Variants in VEGFC observed in about 807,000 individuals in gnomAD.
The protein encoded by VEGFC is vascular endothelial growth factor C, also known as FLT4 ligand DHM.
A neutral mutation model predicts 46.1 loss-of-function variants in VEGFC; 12 were observed. That is an observed-to-expected ratio of 0.26 (90% CI 0.17 to 0.42). The LOEUF is 0.42. VEGFC is among the 10% of genes least tolerant of loss of function. The pLI is 1.00. For synonymous variants in VEGFC, 232 were observed against 195.5 expected (o/e 1.19, Z -1.56); for missense variants, 488 against 529.4 (o/e 0.92, Z 0.77).
rs371726501 is a variant in VEGFC, at chr4:176,730,693, T to C, written c.148-947A>G. On this transcript the variant is annotated intron_variant, in intron 1 of 6. Transcript: ENST00000618562. ...TAACTGTCCCCCACCTCTCCATGGTTTCTTGGGTGGATCAAGAACCTACAT... is the reference window on the plus strand; with the variant it reads ...TAACTGTCCCCCACCTCTCCATGGTCTCTTGGGTGGATCAAGAACCTACAT... Among the ~76,000 whole-genome samples the C allele has an allele frequency of 3.9e-5, 6 of 152,234 alleles. No homozygotes were observed. The South Asian group carries it at 6.2e-4, about 16-fold the overall frequency.
chr4:176,725,808 C>T (rs116812568), intron 3 of VEGFC, among the ~76,000 whole-genome samples: 5,190 of 152,044 alleles, frequency 0.034, 274 homozygotes, highest in African/African-American at 0.12. Flanking sequence ...TACCAAAATT[C>T]CCATTAAGAG....
At chr4:176,684,426 TGG>T (rs1156717773) in intron 6 of VEGFC, among the ~76,000 whole-genome samples, 1 of 152,200 alleles carries the variant, frequency 6.6e-6, no homozygotes, top group Non-Finnish European at 1.5e-5. Context: ...GGGACTTGTA[TGG>T]GACCCAGACT....
intron 4 of VEGFC, among the ~76,000 whole-genome samples, chr4:176,693,627 T>C (rs989382146): frequency 2.7e-5 from 4 of 146,654 alleles, no homozygotes; most frequent in African/African-American, 1.1e-4. Context: ...ATACAGAGAA[T>C]GCCACAAAGA....
chr4:176,772,124 C>A (rs1267103144), intron 1 of VEGFC, among the ~76,000 whole-genome samples: 1 of 152,002 alleles, frequency 6.6e-6, no homozygotes, highest in Non-Finnish European at 1.5e-5. Flanking sequence ...TCCAATGTCA[C>A]AAAAATTACA....
chr4:176,747,731 G>T (rs141824883), intron 1 of VEGFC, among the ~76,000 whole-genome samples: 5 of 152,162 alleles, frequency 3.3e-5, no homozygotes, highest in African/African-American at 1.2e-4. Flanking sequence ...GTTCAAGGCT[G>T]CAGTGAGCTA....
intron 1 of VEGFC, among the ~76,000 whole-genome samples, chr4:176,746,456 G>A (rs576522049): frequency 3.5e-4 from 54 of 152,124 alleles, no homozygotes; most frequent in African/African-American, 1.3e-3. Flanking sequence ...TTTTTATTTG[G>A]TGTTCTGCAC....
Position 176,729,519 on chromosome 4 carries a change from T to C in VEGFC, c.361+14A>G, listed in dbSNP as rs1455060379. On this transcript the variant is annotated intron_variant, in intron 2 of 6. Transcript: ENST00000618562. ...TATATAAGGCTTACTATACATTTTA[T>C]TTCCCATACTTACTTTTCAAGATCT... is the stretch of plus-strand genomic sequence containing the variant. The C allele has an allele frequency of 6.2e-7, 1 of 1,606,100 alleles. No homozygotes were observed. Among genetic ancestry groups the C allele is most frequent in the East Asian group, 2.2e-5 (1 of 44,578 alleles).
intron 3 of VEGFC, among the ~76,000 whole-genome samples, chr4:176,725,693 A>C (rs74958580): frequency 0.032 from 4,802 of 152,216 alleles, 236 homozygotes; most frequent in African/African-American, 0.11. Context: ...TAAAATATAA[A>C]TCATTAACGG....
chr4:176,711,472 G>T, intron 4 of VEGFC, 27 bp downstream of exon 4: 4 of 1,583,874 alleles, frequency 2.5e-6, no homozygotes, highest in Non-Finnish European at 3.4e-6. Flanking sequence ...AGAGGATGCA[G>T]AAAAAATAGA....
At chr4:176,776,884 A>T (rs1271012836) in intron 1 of VEGFC, among the ~76,000 whole-genome samples, 1 of 152,232 alleles carries the variant, frequency 6.6e-6, no homozygotes, top group Admixed American at 6.5e-5. Flanking sequence ...ATCAATATTT[A>T]TAGTTATTCC....
At chr4:176,786,993 T>C (rs777341186) in intron 1 of VEGFC, among the ~76,000 whole-genome samples, 1 of 152,052 alleles carries the variant, frequency 6.6e-6, no homozygotes, top group Non-Finnish European at 1.5e-5. Context: ...ACCAAGTGCA[T>C]AGACATATTA....
chr4:176,694,483 G>C (rs1734271192), intron 4 of VEGFC, among the ~76,000 whole-genome samples: 1 of 151,232 alleles, frequency 6.6e-6, no homozygotes, highest in South Asian at 2.1e-4. Flanking sequence ...CATAAAGCAA[G>C]TCCTGAGTGA....
chr4:176,687,123 C>T, intron 6 of VEGFC, 64 bp downstream of exon 6: 1 of 1,508,426 alleles, frequency 6.6e-7, no homozygotes, highest in Non-Finnish European at 8.9e-7. Flanking sequence ...GTTAAGAAAA[C>T]TGCTTTTGGT....
intron 1 of VEGFC, among the ~76,000 whole-genome samples, chr4:176,782,911 T>C (rs1351238856): frequency 1.3e-5 from 2 of 152,178 alleles, no homozygotes; most frequent in Non-Finnish European, 1.5e-5. Flanking sequence ...TTTCTGGATG[T>C]TACTGAATCA....
At chr4:176,782,007 C>G (rs1735925124) in intron 1 of VEGFC, among the ~76,000 whole-genome samples, 1 of 152,192 alleles carries the variant, frequency 6.6e-6, no homozygotes, top group Admixed American at 6.5e-5. Flanking sequence ...GTGCCAAGGT[C>G]TGATTATTTT....
At chr4:176,691,996 G>A (rs1467538158) in intron 4 of VEGFC, among the ~76,000 whole-genome samples, 1 of 152,152 alleles carries the variant, frequency 6.6e-6, no homozygotes, top group Non-Finnish European at 1.5e-5. Flanking sequence ...GGAAGCACAA[G>A]TGGTCAGGGA....
intron 3 of VEGFC, among the ~76,000 whole-genome samples, chr4:176,723,015 C>T (rs1187832883): frequency 1.3e-5 from 2 of 152,168 alleles, no homozygotes; most frequent in Non-Finnish European, 2.9e-5. Context: ...AATTTATTTA[C>T]TTTGCTTACT....
chr4:176,736,619 T>C (rs894801523), intron 1 of VEGFC, among the ~76,000 whole-genome samples: 3 of 151,860 alleles, frequency 2.0e-5, no homozygotes, highest in Non-Finnish European at 2.9e-5. Flanking sequence ...GTGATTTAAG[T>C]ATTTTGAAGT....
chr4:176,696,572 C>T lies in VEGFC; in HGVS notation c.705-8645G>A, dbSNP rs1185741194. Among the ~76,000 whole-genome samples the T allele has an allele frequency of 1.1e-4, 17 of 150,214 alleles. No homozygotes were observed. In the East Asian group the frequency reaches 2.9e-3, roughly 26 times the overall value. Reference sequence around the variant, plus strand: ...TGGCCATACTGCCCAAGGTAATTTACAGATTCAATGCCATCCCCATCAAGC... The same window carrying T: ...TGGCCATACTGCCCAAGGTAATTTATAGATTCAATGCCATCCCCATCAAGC... On this transcript the variant is annotated intron_variant, in intron 4 of 6. Transcript: ENST00000618562.
Sources: allele counts gnomAD v4.1 joint callset (sites outside exome capture counted in the v4.1 genomes callset), GRCh38; gene constraint gnomAD v4.1.1; transcripts MANE v1.5; gene names NCBI Gene and HGNC (gene_info 2026-07-23, HGNC 2026-07-21).